Variants in ASIC2 observed in about 807,000 individuals in gnomAD.
ASIC2 encodes acid sensing ion channel subunit 2.
A neutral mutation model predicts 57.3 loss-of-function variants in ASIC2; 25 were observed. The ratio of observed to expected loss-of-function variants is 0.44; its 90% confidence interval spans 0.32 to 0.61. ASIC2 has a LOEUF of 0.61. Among genes scored for constraint, ASIC2 ranks in the 20% least tolerant of loss-of-function variants. ASIC2 has a pLI of 0.06. For synonymous variants in ASIC2, 319 were observed against 307.5 expected, an observed-to-expected ratio of 1.04 and a Z score of -0.39; for missense variants, 641 against 738.1, an observed-to-expected ratio of 0.87 and a Z score of 1.52.
chr17:33,534,067 A>T (rs1431104987), intron 1 of ASIC2: 1 of 152,014 alleles, frequency 6.6e-6, no homozygotes, highest in Non-Finnish European at 1.5e-5. Context: ...AGTCCATCTC[A>T]TTGTGGGGGC....
intron 1 of ASIC2, among the ~76,000 whole-genome samples, chr17:34,149,861 C>T (rs1904443701): frequency 6.6e-6 from 1 of 152,094 alleles, no homozygotes; most frequent in Non-Finnish European, 1.5e-5. Context: ...ATAGAAGTAC[C>T]ATATGATCTA....
intron 1 of ASIC2, among the ~76,000 whole-genome samples, chr17:33,808,334 A>G (rs73286708): frequency 0.021 from 3,142 of 152,302 alleles, 115 homozygotes; most frequent in African/African-American, 0.072. Context: ...TCAGTTAAGT[A>G]TATTTACGTG....
At chr17:33,646,199 A>G (rs1906733389) in intron 1 of ASIC2, among the ~76,000 whole-genome samples, 1 of 152,206 alleles carries the variant, frequency 6.6e-6, no homozygotes, top group African/African-American at 2.4e-5. Flanking sequence ...CCCAAGCAGT[A>G]TGAGAAATTT....
At chr17:33,647,050 AG>A (rs1392667900) in intron 1 of ASIC2, among the ~76,000 whole-genome samples, 1 of 152,060 alleles carries the variant, frequency 6.6e-6, no homozygotes. Flanking sequence ...TGTTTGGAGA[AG>A]TTACTGAAGT....
At chr17:33,247,116 A>C (rs906855880) in intron 1 of ASIC2, among the ~76,000 whole-genome samples, 7 of 152,188 alleles carry the variant, frequency 4.6e-5, no homozygotes, top group African/African-American at 1.7e-4. Context: ...GCGTTTATTA[A>C]GGTTTCATTA....
chr17:33,571,373 AAC>A (rs1490706247), intron 1 of ASIC2, among the ~76,000 whole-genome samples: 1 of 152,198 alleles, frequency 6.6e-6, no homozygotes, highest in Non-Finnish European at 1.5e-5. Flanking sequence ...CCACCAAAAC[AAC>A]AGTTTCCTAG....
chr17:33,921,569 G>A (rs148210771), intron 1 of ASIC2, among the ~76,000 whole-genome samples: 469 of 152,210 alleles, frequency 3.1e-3, no homozygotes, highest in Non-Finnish European at 5.0e-3. Flanking sequence ...GGTGGGGCAG[G>A]ACTGGGGCAG....
Position 34,054,090 on chromosome 17 carries a change from G to A in ASIC2, c.555+101888C>T, listed in dbSNP as rs1005359608. Reference sequence around the variant, plus strand: ...ACAAGAGATGAAAGAGCAGTCAACCGTATGTTCTTTTCATGGAATACTAAC... The same window carrying A: ...ACAAGAGATGAAAGAGCAGTCAACCATATGTTCTTTTCATGGAATACTAAC... On this transcript the variant is annotated intron_variant, in intron 1 of 9. Coordinates refer to the ASIC2 transcript ENST00000359872. Among the ~76,000 whole-genome samples, 10 of 152,254 alleles carry A rather than the reference G, an allele frequency of 6.6e-5. No homozygotes were observed. The East Asian group carries it at 1.3e-3, about 20-fold the overall frequency.
chr17:33,390,306 C>T (rs1234282354), intron 1 of ASIC2, among the ~76,000 whole-genome samples: 2 of 152,122 alleles, frequency 1.3e-5, no homozygotes, highest in African/African-American at 4.8e-5. Context: ...GAGCGAGATT[C>T]GGTCCCCCTT....
intron 1 of ASIC2, among the ~76,000 whole-genome samples, chr17:33,417,875 G>A (rs1311610026): frequency 1.3e-5 from 2 of 152,142 alleles, no homozygotes; most frequent in African/African-American, 4.8e-5. Context: ...GAAGTGAGGA[G>A]GCCAGGCAGG....
At chr17:33,169,352 G>C (rs186476346) in intron 1 of ASIC2, among the ~76,000 whole-genome samples, 3 of 152,134 alleles carry the variant, frequency 2.0e-5, no homozygotes, top group Non-Finnish European at 4.4e-5. Flanking sequence ...CATTGTCCAT[G>C]GTGCTTAGAC....
At position 33,781,770 on chromosome 17, in the gene ASIC2, A is replaced by G. The variant is rs1994660; in HGVS notation, c.555+374208T>C. Among the ~76,000 whole-genome samples the G allele has an allele frequency of 7.8e-3, 1,184 of 152,218 alleles. 15 individuals are homozygous for G. Among genetic ancestry groups the G allele is most frequent in the African/African-American group, 0.027 (1,107 of 41,516 alleles). Reference sequence around the variant, plus strand: ...CCTTCCTGATTTCCCAGTCTCCCACATAGGAGCAAGGGGCTTTCCATGGAC... The same window carrying G: ...CCTTCCTGATTTCCCAGTCTCCCACGTAGGAGCAAGGGGCTTTCCATGGAC... On this transcript the variant is annotated intron_variant, in intron 1 of 9. Coordinates refer to the ASIC2 transcript ENST00000359872.
chr17:33,982,501 C>T (rs1409491438), intron 1 of ASIC2, among the ~76,000 whole-genome samples: 1 of 152,156 alleles, frequency 6.6e-6, no homozygotes, highest in Non-Finnish European at 1.5e-5. Context: ...CTGAGTCCAG[C>T]GTTGCTATGG....
At chr17:33,499,475 G>A (rs534046223) in intron 1 of ASIC2, among the ~76,000 whole-genome samples, 1 of 152,332 alleles carries the variant, frequency 6.6e-6, no homozygotes, top group Admixed American at 6.5e-5. Flanking sequence ...CGAAGGCAGA[G>A]ATCAAGGTGA....
intron 1 of ASIC2, among the ~76,000 whole-genome samples, chr17:33,967,078 G>A (rs1372293795): frequency 6.6e-6 from 1 of 151,972 alleles, no homozygotes; most frequent in Non-Finnish European, 1.5e-5. Flanking sequence ...CTGAGTTTAC[G>A]CATAGCACCT....
intron 1 of ASIC2, among the ~76,000 whole-genome samples, chr17:33,508,294 G>A (rs966635679): frequency 6.6e-6 from 1 of 152,148 alleles, no homozygotes; most frequent in African/African-American, 2.4e-5. Flanking sequence ...TACAACAAGA[G>A]CCTTCTTCTC....
At chr17:33,106,610 G>A (rs1189364632) in intron 2 of ASIC2, among the ~76,000 whole-genome samples, 2 of 152,124 alleles carry the variant, frequency 1.3e-5, no homozygotes, top group African/African-American at 4.8e-5. Flanking sequence ...AGTTCTCTTG[G>A]GAGTGCCTTC....
chr17:33,141,771 T>C (rs1405865950), intron 1 of ASIC2, among the ~76,000 whole-genome samples: 1 of 152,158 alleles, frequency 6.6e-6, no homozygotes, highest in South Asian at 2.1e-4. Flanking sequence ...GAGTAGGAGG[T>C]TGACCTGAGC....
Position 33,894,272 on chromosome 17 carries a change from G to C in ASIC2, c.555+261706C>G, listed in dbSNP as rs181883607. On this transcript the variant is annotated intron_variant, in intron 1 of 9. Coordinates refer to the ASIC2 transcript ENST00000359872. ...ATTTGGATAATGGATGGGAAAGCCTGCTGGGCTTATGGGGAGGAAGAAGAG... is the reference window on the plus strand; with the variant it reads ...ATTTGGATAATGGATGGGAAAGCCTCCTGGGCTTATGGGGAGGAAGAAGAG... 3.2e-4 allele frequency among the ~76,000 whole-genome samples: 48 copies of C among 152,218 alleles called. No individual in the cohort carries two copies. In the Middle Eastern group the frequency reaches 0.02, roughly 65 times the overall value.
Sources: gnomAD v4.1 joint callset for allele counts (sites outside exome capture counted in the v4.1 genomes callset) on GRCh38, gnomAD v4.1.1 for gene constraint, MANE v1.5 for transcripts, NCBI Gene and HGNC (gene_info 2026-07-23, HGNC 2026-07-21) for gene names.